HS6ST2: variants seen among roughly 807,000 people sequenced by gnomAD.
The protein encoded by HS6ST2 is heparan sulfate 6-O-sulfotransferase 2.
In HS6ST2, 17 loss-of-function variants were observed where a neutral mutation model predicts 33.0. That is an observed-to-expected ratio of 0.52 (90% CI 0.35 to 0.77). HS6ST2 has a LOEUF of 0.77. HS6ST2 is among the 30% of genes least tolerant of loss of function. The pLI is 0.01. For synonymous variants in HS6ST2, 248 were observed against 237.1 expected (o/e 1.05, Z -0.42); for missense variants, 519 against 551.7 (o/e 0.94, Z 0.59).
intron 2 of HS6ST2, among the ~76,000 whole-genome samples, chrX:132,922,306 CA>C (rs1252092260): frequency 4.5e-5 from 5 of 111,503 alleles, no homozygotes; most frequent in Admixed American, 9.5e-5. Flanking sequence ...CTACTCCAAA[CA>C]AAAAAACAAC....
chrX:132,847,449 G>A lies in HS6ST2; in HGVS notation c.947+109359C>T, dbSNP rs759449491. On this transcript the variant is annotated intron_variant, in intron 2 of 4. Transcript: ENST00000370833. ...TTGTGGGGGATGACAGTATCACCCC[G>A]GTTGAGCACCAGTGGCTTAGAGGAA... Among the ~76,000 whole-genome samples the A allele has an allele frequency of 9.0e-5, 10 of 111,262 alleles. No individual in the cohort carries two copies. In the South Asian group the frequency reaches 2.3e-3, roughly 26 times the overall value.
chrX:132,740,869 G>A (rs1382148413), intron 2 of HS6ST2, among the ~76,000 whole-genome samples: 1 of 111,448 alleles, frequency 9.0e-6, no homozygotes, highest in Non-Finnish European at 1.9e-5. Context: ...ATGGATCACT[G>A]ATATGCAAGG....
rs781026595 is a variant in HS6ST2, at chrX:132,852,776, A to G, written c.947+104032T>C. 2.7e-5 allele frequency among the ~76,000 whole-genome samples: 3 copies of G among 112,060 alleles called. No individual in the cohort carries two copies. The South Asian group carries it at 1.1e-3, about 42-fold the overall frequency. On this transcript the variant is annotated intron_variant, in intron 2 of 4. Coordinates refer to ENST00000370833, the MANE Select transcript of HS6ST2 (RefSeq NM_001394073.1). ...GCCATTCTATAAAATGGATAAATGGATGTCACAGCTAGTTCAGTCCCTTAA... is the reference window on the plus strand; with the variant it reads ...GCCATTCTATAAAATGGATAAATGGGTGTCACAGCTAGTTCAGTCCCTTAA...
At chrX:132,785,852 C>T (rs1186449933) in intron 2 of HS6ST2, among the ~76,000 whole-genome samples, 7 of 111,532 alleles carry the variant, frequency 6.3e-5, no homozygotes, top group Non-Finnish European at 1.3e-4. Context: ...TGAGGGAGCA[C>T]CGTCGAGTTC....
intron 2 of HS6ST2, among the ~76,000 whole-genome samples, chrX:132,857,708 A>T (rs532423446): frequency 9.0e-6 from 1 of 111,725 alleles, no homozygotes; most frequent in East Asian, 2.8e-4. Flanking sequence ...TTGAGTCTAC[A>T]CACAACTAGT....
intron 2 of HS6ST2, among the ~76,000 whole-genome samples, chrX:132,864,384 T>C (rs1338868516): frequency 9.3e-6 from 1 of 108,046 alleles, no homozygotes; most frequent in Admixed American, 1.0e-4. Flanking sequence ...CTAACTAGAA[T>C]AACCAGTTTG....
chrX:132,716,974 A>C (rs1409452696), intron 2 of HS6ST2, among the ~76,000 whole-genome samples: 1 of 112,673 alleles, frequency 8.9e-6, no homozygotes, highest in Non-Finnish European at 1.9e-5. Flanking sequence ...AAGGATGGCA[A>C]GCTGCCAACA....
chrX:132,793,388 C>T (rs977162406), intron 2 of HS6ST2, among the ~76,000 whole-genome samples: 7 of 110,972 alleles, frequency 6.3e-5, no homozygotes, highest in Non-Finnish European at 1.1e-4. Flanking sequence ...ATGCCAGCCC[C>T]TGTGCTAGAT....
At chrX:132,800,807 T>C (rs967025810) in intron 2 of HS6ST2, among the ~76,000 whole-genome samples, 1 of 111,570 alleles carries the variant, frequency 9.0e-6, no homozygotes, top group African/African-American at 3.3e-5. Context: ...AGAAACCTGG[T>C]GGGAAGTGAT....
intron 1 of HS6ST2, 94 bp downstream of exon 1, chrX:132,958,081 C>T: frequency 2.3e-6 from 2 of 872,565 alleles, no homozygotes; most frequent in Non-Finnish European, 3.0e-6. Flanking sequence ...GAACTTTACG[C>T]CCTTCTCTAC....
intron 2 of HS6ST2, among the ~76,000 whole-genome samples, chrX:132,814,539 T>C (rs1970769020): frequency 9.0e-6 from 1 of 111,463 alleles, no homozygotes; most frequent in African/African-American, 3.3e-5. Context: ...TCTTAGACAT[T>C]GTCTCACTCT....
intron 2 of HS6ST2, among the ~76,000 whole-genome samples, chrX:132,790,218 G>A (rs932986722): frequency 2.7e-5 from 3 of 111,629 alleles, no homozygotes; most frequent in African/African-American, 6.5e-5. Context: ...CTTTAGCAAC[G>A]ACCACCCTGA....
chrX:132,835,966 G>A (rs1211632300), intron 2 of HS6ST2, among the ~76,000 whole-genome samples: 1 of 111,720 alleles, frequency 9.0e-6, no homozygotes, highest in Non-Finnish European at 1.9e-5. Flanking sequence ...CTGTTTCGAT[G>A]CCTCACATAT....
intron 2 of HS6ST2, among the ~76,000 whole-genome samples, chrX:132,926,942 CA>C (rs2066716301): frequency 9.1e-6 from 1 of 110,294 alleles, no homozygotes; most frequent in Non-Finnish European, 1.9e-5. Flanking sequence ...ACAAAACGAA[CA>C]AACAAAAAAC....
intron 2 of HS6ST2, among the ~76,000 whole-genome samples, chrX:132,799,737 A>G (rs926770471): frequency 3.6e-5 from 4 of 111,049 alleles, no homozygotes; most frequent in African/African-American, 1.3e-4. Flanking sequence ...TTTTGTGAGC[A>G]GTATGTATGT....
chrX:132,737,950 G>A (rs1432863848), intron 2 of HS6ST2, among the ~76,000 whole-genome samples: 1 of 112,225 alleles, frequency 8.9e-6, no homozygotes, highest in East Asian at 2.8e-4. Context: ...GTTGGCTCCC[G>A]TGGCCAGTGC....
intron 2 of HS6ST2, among the ~76,000 whole-genome samples, chrX:132,814,165 C>T (rs1274718128): frequency 1.8e-5 from 2 of 111,518 alleles, no homozygotes; most frequent in Non-Finnish European, 1.9e-5. Context: ...AGGATGGTCT[C>T]GAACTCCTGA....
In HS6ST2 at chrX:132,779,924, C is replaced by T. The variant is rs765456820; in HGVS notation, c.948-71430G>A. On this transcript the variant is annotated intron_variant, in intron 2 of 4. Coordinates refer to ENST00000370833, the MANE Select transcript of HS6ST2 (RefSeq NM_001394073.1). ...CGTAATTCTAACCCAGTAGGTCTGC[C>T]GCCTGAGTCCCTAGCTCCAGCTCCA... is the stretch of plus-strand genomic sequence containing the variant. Among the ~76,000 whole-genome samples the T allele has an allele frequency of 7.2e-5, 8 of 110,916 alleles. 1 individual carries two copies. Among genetic ancestry groups the T allele is most frequent in the African/African-American group, 2.3e-4 (7 of 30,055 alleles).
intron 2 of HS6ST2, among the ~76,000 whole-genome samples, chrX:132,765,038 G>A (rs1055218780): frequency 2.7e-5 from 3 of 112,209 alleles, no homozygotes; most frequent in East Asian, 5.6e-4. Flanking sequence ...TATAGCAAGT[G>A]TGGTTTTAAG....
Sources: gnomAD v4.1 joint callset for allele counts (sites outside exome capture counted in the v4.1 genomes callset) on GRCh38, gnomAD v4.1.1 for gene constraint, MANE v1.5 for transcripts, NCBI Gene and HGNC (gene_info 2026-07-23, HGNC 2026-07-21) for gene names.